CDHR2: variants seen among roughly 807,000 people sequenced by gnomAD.
CDHR2 encodes the protein cadherin related family member 2.
In CDHR2, 104 loss-of-function variants were observed where a neutral mutation model predicts 138.6. The observed-to-expected ratio is 0.75, with a 90% CI of 0.64 to 0.88. The LOEUF (loss-of-function observed/expected upper bound fraction) is 0.88, where lower values mean the gene tolerates loss of function less well. CDHR2 is among the 40% of genes least tolerant of loss of function. CDHR2 has a pLI of 0.00. For synonymous variants in CDHR2, 755 were observed against 742.8 expected (o/e 1.02, Z -0.27); for missense variants, 1,624 against 1,727.6 (o/e 0.94, Z 1.06).
rs928920479 is a variant in CDHR2, at chr5:176,543,139, C to G, written c.-16+370C>G. Among the ~76,000 whole-genome samples the G allele has an allele frequency of 2.0e-5, 3 of 151,126 alleles. No individual in the cohort carries two copies. The highest frequency in any genetic ancestry group is 7.3e-5 in the African/African-American group (3 of 41,282). On this transcript the variant is annotated intron_variant, in intron 1 of 31. Coordinates refer to the CDHR2 transcript ENST00000510636. The surrounding 1 kb of genome is among the most constrained non-coding windows in gnomAD (Gnocchi z 4.0). ...CGAGCTCCCGCCGTGCGGGCGCCGG[C>G]AGAGGCCTGGCGGGAAGACCCCGCG...
intron 16 of CDHR2, among the ~76,000 whole-genome samples, chr5:176,579,512 G>C (rs1421564487): frequency 6.6e-6 from 1 of 152,090 alleles, no homozygotes; most frequent in African/African-American, 2.4e-5. Context: ...GAGCTCCTTG[G>C]GGCAGGAGCA....
At chr5:176,545,143 T>C (rs1327555759), upstream of CDHR2, among the ~76,000 whole-genome samples, 4 of 151,742 alleles carry the variant, frequency 2.6e-5, no homozygotes, top group Non-Finnish European at 4.4e-5. Context: ...GGGGACAGAG[T>C]CTCACTCTGT....
At chr5:176,554,804 C>T (rs889248032) in intron 1 of CDHR2, among the ~76,000 whole-genome samples, 1 of 152,210 alleles carries the variant, frequency 6.6e-6, no homozygotes, top group Non-Finnish European at 1.5e-5. Flanking sequence ...CAGGCACGTG[C>T]CACCACACCC....
chr5:176,580,294 C>T (rs1281996364), intron 16 of CDHR2, among the ~76,000 whole-genome samples: 2 of 151,894 alleles, frequency 1.3e-5, no homozygotes, highest in African/African-American at 2.4e-5. Context: ...TTTGGGAGGC[C>T]GAGGTGGGTG....
chr5:176,546,745 CAAAAAAAAAAAA>C (rs10719325), upstream of CDHR2, among the ~76,000 whole-genome samples: 7 of 61,312 alleles, frequency 1.1e-4, no homozygotes, highest in South Asian at 6.1e-4. Context: ...ACATGGTGCT[CAAAAAAAAAAAA>C]AAAAAAAAAA....
Position 176,556,325 on chromosome 5 carries a change from C to T in CDHR2, c.-16+6911C>T, listed in dbSNP as rs577237518. On this transcript the variant is annotated intron_variant, in intron 1 of 31. Coordinates refer to ENST00000261944, the MANE Select transcript of CDHR2 (RefSeq NM_017675.6). ...CTGAGGCTGCCCTGAGCCAGGATAG[C>T]GCCATTGCACTCCAGAATGGGTGAC... 2.2e-4 allele frequency among the ~76,000 whole-genome samples: 33 copies of T among 152,298 alleles called. No homozygotes were observed. In the South Asian group the frequency reaches 4.1e-3, roughly 19 times the overall value.
Position 176,553,317 on chromosome 5 carries a change from C to T in CDHR2, c.-16+3903C>T, listed in dbSNP as rs944350612. On this transcript the variant is annotated intron_variant, in intron 1 of 31. Coordinates refer to ENST00000261944, the MANE Select transcript of CDHR2 (RefSeq NM_017675.6). This position sits in a 1 kb window ranked among gnomAD's most constrained non-coding sequence, Gnocchi z 4.3. ...GGGCCGCGCCCTTTCCCCTCTTGGA[C>T]GTCAGTTTGCTGAGGACTAAATGGT... 6.6e-6 allele frequency among the ~76,000 whole-genome samples: 1 copy of T among 152,186 alleles called. No individual in the cohort carries two copies. The highest frequency in any genetic ancestry group is 2.1e-4 in the South Asian group (1 of 4,832).
chr5:176,579,759 C>T (rs1000724603), intron 16 of CDHR2, among the ~76,000 whole-genome samples: 4 of 152,162 alleles, frequency 2.6e-5, no homozygotes, highest in South Asian at 2.1e-4. Flanking sequence ...TTGGTTGAGT[C>T]GGAGTGGTCC....
rs1757751675 is a variant in CDHR2, at chr5:176,553,333, A to T, written c.-16+3919A>T. ...CCTCTTGGACGTCAGTTTGCTGAGG[A>T]CTAAATGGTAATGGGGGCAAAGTGC... On this transcript the variant is annotated intron_variant, in intron 1 of 31. Coordinates refer to ENST00000261944, the MANE Select transcript of CDHR2 (RefSeq NM_017675.6). The surrounding 1 kb of genome is among the most constrained non-coding windows in gnomAD (Gnocchi z 4.3). Among the ~76,000 whole-genome samples the T allele has an allele frequency of 6.6e-6, 1 of 152,094 alleles. No individual in the cohort carries two copies. Among genetic ancestry groups the T allele is most frequent in the Non-Finnish European group, 1.5e-5 (1 of 68,028 alleles).
chr5:176,575,801 C>A lies in CDHR2; in HGVS notation c.922C>A (p.Leu308Met). 6.4e-7 allele frequency: 1 copy of A among 1,555,924 alleles called. No homozygotes were observed. The highest frequency in any genetic ancestry group is 8.7e-7 in the Non-Finnish European group (1 of 1,149,274). Reference protein sequence around the residue: ...RVNGSLDREQLLEADEEVQLQ... With the variant: ...RVNGSLDREQMLEADEEVQLQ... ...CAACGGCTCCCTGGACCGTGAGCAGCTGCTGGAGGCGGATGAGGAGGTGCA... is the reference window on the plus strand; with the variant it reads ...CAACGGCTCCCTGGACCGTGAGCAGATGCTGGAGGCGGATGAGGAGGTGCA... The change falls in exon 11 of 32, where the codon CTG (leucine) becomes ATG (methionine). Residue 308 changes from leucine (L) to methionine (M), a missense_variant. By Grantham distance (15) the Leu-to-Met change is conservative (BLOSUM62 2). This residue lies in a region of CDHR2 where 1,061 missense variants were observed against 1,136.6 expected (regional missense o/e 0.93). Transcript: ENST00000261944.
chr5:176,585,863 G>T, intron 19 of CDHR2, 91 bp from the exon 20 acceptor site: 1 of 987,878 alleles, frequency 1.0e-6, no homozygotes. Context: ...TGCGGGGCAT[G>T]GGGTTGAGGC....
chr5:176,589,183 G>A lies in CDHR2; in HGVS notation c.3008+1G>A, dbSNP rs1758769737. On this transcript the variant is annotated splice_donor_variant, in intron 22 of 31. Transcript: ENST00000261944. LOFTEE classifies it high-confidence loss of function. ...CCGACGTGTTCGCTGGGAGCATTCA[G>A]TAACTGCGGGCGGCCCCGGGAGGGA... 1.9e-6 allele frequency: 3 copies of A among 1,614,078 alleles called. No individual in the cohort carries two copies. The highest frequency in any genetic ancestry group is 4.5e-5 in the East Asian group (2 of 44,884).
At position 176,584,568 on chromosome 5, in the gene CDHR2, G is replaced by T; in HGVS notation, c.2287G>T (p.Asp763Tyr). ...TGAGGGCTACCTCCGGCTGCCCCCG[G>T]ACGTGAGCCTGGATTACGAGACACA... ...WAEGYLRLPPDVSLDYETQPV... is the reference protein window; with the variant it reads ...WAEGYLRLPPYVSLDYETQPV... Residue 763 changes from aspartate (D) to tyrosine (Y), a missense_variant, in exon 19 of 32, where the codon GAC becomes TAC. Transcript: ENST00000261944. 1.2e-6 allele frequency: 2 copies of T among 1,611,106 alleles called. No individual in the cohort carries two copies. The highest frequency in any genetic ancestry group is 1.1e-5 in the South Asian group (1 of 90,692).
At chr5:176,586,946 C>T in intron 21 of CDHR2, 104 bp downstream of exon 21, 2 of 928,274 alleles carry the variant, frequency 2.2e-6, no homozygotes, top group East Asian at 5.3e-5. Context: ...TGGGCTCCAA[C>T]ACATGAAAAA....
intron 17 of CDHR2, 137 bp downstream of exon 17, chr5:176,581,719 A>G: frequency 8.6e-7 from 1 of 1,159,894 alleles, no homozygotes; most frequent in South Asian, 1.5e-5. Context: ...GGCCCCAGGC[A>G]ATTACTCAAC....
upstream of CDHR2, among the ~76,000 whole-genome samples, chr5:176,549,161 A>G (rs1357537931): frequency 1.3e-5 from 2 of 152,174 alleles, no homozygotes; most frequent in Non-Finnish European, 2.9e-5. Flanking sequence ...GTGGGCCTCC[A>G]GCCCCAGGAG....
chr5:176,575,444 G>A lies in CDHR2; in HGVS notation c.768+18G>A. The A allele has an allele frequency of 6.2e-7, 1 of 1,614,246 alleles. No individual in the cohort carries two copies. The highest frequency in any genetic ancestry group is 8.5e-7 in the Non-Finnish European group (1 of 1,180,038). ...CAGCCAAGGTGCACGGGGGACCTGT[G>A]GGGTGTGGGTGGAGGCGGGAGGCGG... On this transcript the variant is annotated intron_variant, in intron 9 of 31. Coordinates refer to ENST00000261944, the MANE Select transcript of CDHR2 (RefSeq NM_017675.6).
At chr5:176,558,892 T>C (rs1382381680) in intron 1 of CDHR2, among the ~76,000 whole-genome samples, 1 of 152,328 alleles carries the variant, frequency 6.6e-6, no homozygotes, top group Non-Finnish European at 1.5e-5. Context: ...TCTCATTTCC[T>C]GATTCTATAG....
rs1285842397 is a variant in CDHR2, at chr5:176,543,535, A to G, written c.-16+766A>G. The G allele has an allele frequency of 6.6e-6, 1 of 152,072 alleles. No homozygotes were observed. Among genetic ancestry groups the G allele is most frequent in the African/African-American group, 2.4e-5 (1 of 41,420 alleles). 9.4% of individuals were successfully genotyped at this position (152,072 alleles called of 1,614,324 possible). On this transcript the variant is annotated intron_variant, in intron 1 of 31. Coordinates refer to the CDHR2 transcript ENST00000510636. This position sits in a 1 kb window ranked among gnomAD's most constrained non-coding sequence, Gnocchi z 4.0. ...GAGCCTCTTTCGGCCGCGCCCGCCC[A>G]GCGTCAGTCGGCCAGGGGTGCGTAA...
Sources: allele counts gnomAD v4.1 joint callset (sites outside exome capture counted in the v4.1 genomes callset), GRCh38; gene constraint gnomAD v4.1.1; regional missense constraint gnomAD v4.1.1; non-coding constraint Gnocchi (gnomAD v3.1); transcripts MANE v1.5; gene names NCBI Gene and HGNC (gene_info 2026-07-23, HGNC 2026-07-21).